OR1J2: variants seen among roughly 807,000 people sequenced by gnomAD.
OR1J2 encodes the protein olfactory receptor 1J2.
For missense variants in OR1J2, 304 were observed against 246.1 expected (o/e 1.24, Z -1.57); for synonymous variants, 142 against 99.7 (o/e 1.42, Z -2.52).
the OR1J2 span, among the ~76,000 whole-genome samples, chr9:122,490,857 A>G: frequency 3.9e-5 from 6 of 152,208 alleles, no homozygotes; most frequent in African/African-American, 1.4e-4. Context: ...CAGATTGACA[A>G]TCATACTAAA....
chr9:122,513,333 C>T (rs1420727396), downstream of OR1J2, among the ~76,000 whole-genome samples: 1 of 152,130 alleles, frequency 6.6e-6, no homozygotes, highest in South Asian at 2.1e-4. Flanking sequence ...GATAGAAATA[C>T]TTGTGCATTT....
the OR1J2 span, among the ~76,000 whole-genome samples, chr9:122,480,528 A>C: frequency 4.6e-4 from 69 of 150,604 alleles, 1 homozygote; most frequent in Admixed American, 1.8e-3. Flanking sequence ...GGTTTGTTGT[A>C]CAGATTATTT....
the OR1J2 span, chr9:122,553,614 T>G: frequency 1.9e-6 from 3 of 1,614,004 alleles, no homozygotes; most frequent in Non-Finnish European, 2.5e-6. Flanking sequence ...ACCACTCCAT[T>G]ACAGCACATC....
At chr9:122,553,409 G>A in the OR1J2 span, 10 of 1,614,040 alleles carry the variant, frequency 6.2e-6, no homozygotes, top group Middle Eastern at 1.7e-4. Context: ...ACTTCTTTCT[G>A]GCCAACCTGT....
At chr9:122,527,837 C>T in the OR1J2 span, among the ~76,000 whole-genome samples, 119 of 152,312 alleles carry the variant, frequency 7.8e-4, no homozygotes, top group African/African-American at 2.4e-3. Context: ...CATCCTGTAG[C>T]TAACGCATAT....
the OR1J2 span, among the ~76,000 whole-genome samples, chr9:122,525,047 A>G: frequency 9.2e-5 from 14 of 152,308 alleles, no homozygotes; most frequent in East Asian, 2.5e-3. Flanking sequence ...AGAGTTGTAG[A>G]CTAAGGAGAT....
chr9:122,502,660 C>G, the OR1J2 span, among the ~76,000 whole-genome samples: 1 of 151,182 alleles, frequency 6.6e-6, no homozygotes, highest in Non-Finnish European at 1.5e-5. Context: ...GGTCAAGTAA[C>G]CTGCCAACAT....
the OR1J2 span, among the ~76,000 whole-genome samples, chr9:122,482,343 G>T: frequency 2.4e-4 from 36 of 151,972 alleles, no homozygotes; most frequent in African/African-American, 8.7e-4. Flanking sequence ...CAAATAGAAT[G>T]GTTATTATCA....
chr9:122,493,039 A>C, the OR1J2 span, among the ~76,000 whole-genome samples: 1 of 152,146 alleles, frequency 6.6e-6, no homozygotes, highest in South Asian at 2.1e-4. Flanking sequence ...TCATCCCTGC[A>C]TCCTGGTATG....
the OR1J2 span, among the ~76,000 whole-genome samples, chr9:122,492,960 A>T: frequency 6.6e-6 from 1 of 152,130 alleles, no homozygotes; most frequent in African/African-American, 2.4e-5. Flanking sequence ...GTGTCTATTG[A>T]GATCATCATG....
At chr9:122,489,992 T>C in the OR1J2 span, among the ~76,000 whole-genome samples, 13 of 152,318 alleles carry the variant, frequency 8.5e-5, no homozygotes, top group African/African-American at 3.1e-4. Context: ...AAACCCCTCC[T>C]TGGGCTGTGG....
chr9:122,567,751 C>T, the OR1J2 span: 1 of 1,614,006 alleles, frequency 6.2e-7, no homozygotes, highest in Non-Finnish European at 8.5e-7. Context: ...AGGTAAAAAC[C>T]ACAGGTGGAG....
the OR1J2 span, among the ~76,000 whole-genome samples, chr9:122,544,351 A>G: frequency 2.1e-5 from 3 of 143,422 alleles, no homozygotes; most frequent in Non-Finnish European, 4.6e-5. Context: ...TAAAAGCTCT[A>G]TTTTTCAAGA....
At chr9:122,477,161 T>C in the OR1J2 span, 4 of 1,614,116 alleles carry the variant, frequency 2.5e-6, no homozygotes, top group Non-Finnish European at 2.5e-6. Context: ...TAGAGACCAA[T>C]AATTGTCCGA....
chr9:122,552,003 T>A, the OR1J2 span, among the ~76,000 whole-genome samples: 28,342 of 143,936 alleles, frequency 0.2, 3,131 homozygotes, highest in Middle Eastern at 0.24. Flanking sequence ...ATCCATAATC[T>A]GACAGGTGAG....
At chr9:122,578,042 GTAAATTAGTACAACCAC>G in the OR1J2 span, among the ~76,000 whole-genome samples, 2 of 152,182 alleles carry the variant, frequency 1.3e-5, no homozygotes, top group South Asian at 4.1e-4. Context: ...TGGTGAGAAT[GTAAATTAGTACAACCAC>G]TATGGAAAAC....
chr9:122,503,714 C>T, the OR1J2 span, among the ~76,000 whole-genome samples: 1 of 152,210 alleles, frequency 6.6e-6, no homozygotes, highest in Non-Finnish European at 1.5e-5. Context: ...TCCACTCTTA[C>T]TCCCTCCAGG....
At chr9:122,486,598 T>C in the OR1J2 span, among the ~76,000 whole-genome samples, 2 of 152,236 alleles carry the variant, frequency 1.3e-5, no homozygotes, top group African/African-American at 2.4e-5. Context: ...ATTAATCACA[T>C]ATTTATTGTG....
At chr9:122,517,067 T>C in the OR1J2 span, among the ~76,000 whole-genome samples, 13 of 152,182 alleles carry the variant, frequency 8.5e-5, no homozygotes, top group African/African-American at 2.4e-4. Context: ...TTCTTATTAA[T>C]ATTCACAATA....
Sources: gnomAD v4.1 joint callset for allele counts (sites outside exome capture counted in the v4.1 genomes callset) on GRCh38, gnomAD v4.1.1 for gene constraint, MANE v1.5 for transcripts, NCBI Gene and HGNC (gene_info 2026-07-23, HGNC 2026-07-21) for gene names.